Variants in NRCAM observed in about 807,000 individuals in gnomAD.
NRCAM encodes neuronal cell adhesion molecule.
A neutral mutation model predicts 156.5 loss-of-function variants in NRCAM; 83 were observed. The observed-to-expected ratio is 0.53, with a 90% CI of 0.44 to 0.64. The LOEUF (loss-of-function observed/expected upper bound fraction) is 0.64, where lower values mean the gene tolerates loss of function less well. NRCAM is among the 30% of genes least tolerant of loss of function. NRCAM has a pLI of 0.00. For missense variants in NRCAM, 1,417 were observed against 1,597.3 expected, an observed-to-expected ratio of 0.89 and a Z score of 1.92; for synonymous variants, 538 against 563.9, an observed-to-expected ratio of 0.95 and a Z score of 0.65.
At chr7:108,215,389 T>C (rs1432154211) in intron 11 of NRCAM, among the ~76,000 whole-genome samples, 1 of 151,420 alleles carries the variant, frequency 6.6e-6, no homozygotes, top group Non-Finnish European at 1.5e-5. Flanking sequence ...ATTTTTTGTA[T>C]TTTTTTTAGT....
chr7:108,387,974 T>C (rs1269878258), intron 2 of NRCAM, among the ~76,000 whole-genome samples: 1 of 152,194 alleles, frequency 6.6e-6, no homozygotes, highest in East Asian at 1.9e-4. Flanking sequence ...GACATTTGAG[T>C]TGGTTCCAAG....
At chr7:108,225,330 T>C (rs1380003077) in intron 10 of NRCAM, among the ~76,000 whole-genome samples, 1 of 152,154 alleles carries the variant, frequency 6.6e-6, no homozygotes, top group East Asian at 1.9e-4. Flanking sequence ...CAAGAAAAGT[T>C]TGGAACAGAA....
chr7:108,340,492 C>T (rs918438751), intron 2 of NRCAM, among the ~76,000 whole-genome samples: 5 of 152,054 alleles, frequency 3.3e-5, no homozygotes, highest in Admixed American at 6.5e-5. Context: ...AACTGCAGCC[C>T]GAGAGTTTGG....
intron 30 of NRCAM, among the ~76,000 whole-genome samples, chr7:108,166,544 G>A (rs190267490): frequency 2.5e-4 from 38 of 151,964 alleles, no homozygotes; most frequent in Non-Finnish European, 4.9e-4. Context: ...TACCGCGCCC[G>A]GCCAGAATTG....
chr7:108,451,042 A>G (rs1453910639), intron 1 of NRCAM, among the ~76,000 whole-genome samples: 2 of 152,102 alleles, frequency 1.3e-5, no homozygotes, highest in East Asian at 3.9e-4. Flanking sequence ...AACCTGGTAA[A>G]ACCCTGTCTC....
chr7:108,452,623 A>T (rs1464356906), intron 1 of NRCAM, among the ~76,000 whole-genome samples: 3 of 152,232 alleles, frequency 2.0e-5, no homozygotes, highest in Admixed American at 1.3e-4. Context: ...GGAAAAGCAT[A>T]TCTAAATGTA....
At chr7:108,153,509 A>C (rs1405120333) in intron 32 of NRCAM, among the ~76,000 whole-genome samples, 1 of 152,068 alleles carries the variant, frequency 6.6e-6, no homozygotes, top group Non-Finnish European at 1.5e-5. Flanking sequence ...AGTAAACATC[A>C]TCCTTAATGG....
chr7:108,290,808 G>T (rs921642136), intron 3 of NRCAM, among the ~76,000 whole-genome samples: 1 of 152,092 alleles, frequency 6.6e-6, no homozygotes, highest in African/African-American at 2.4e-5. Context: ...TATTCTTTCA[G>T]GGTTCTGAAA....
At chr7:108,392,195 T>C (rs1055288343) in intron 2 of NRCAM, among the ~76,000 whole-genome samples, 7 of 152,230 alleles carry the variant, frequency 4.6e-5, no homozygotes, top group Non-Finnish European at 8.8e-5. Flanking sequence ...ATTCTCCTCG[T>C]CACTTTCAGG....
At chr7:108,389,655 C>T (rs1263608790) in intron 2 of NRCAM, among the ~76,000 whole-genome samples, 1 of 152,108 alleles carries the variant, frequency 6.6e-6, no homozygotes, top group Non-Finnish European at 1.5e-5. Context: ...GGAATGCTTC[C>T]AGTTTTTGTC....
At chr7:108,281,896 T>C (rs2097874917) in intron 3 of NRCAM, among the ~76,000 whole-genome samples, 1 of 152,168 alleles carries the variant, frequency 6.6e-6, no homozygotes, top group African/African-American at 2.4e-5. Context: ...TTAAACACAA[T>C]TGGGTGAAGT....
intron 2 of NRCAM, among the ~76,000 whole-genome samples, chr7:108,389,756 T>C (rs932236366): frequency 1.8e-4 from 28 of 152,246 alleles, no homozygotes; most frequent in African/African-American, 6.3e-4. Flanking sequence ...TTGAGAGTTT[T>C]TGGCATGAAG....
chr7:108,394,317 G>A (rs1336838248), intron 2 of NRCAM, among the ~76,000 whole-genome samples: 2 of 152,198 alleles, frequency 1.3e-5, no homozygotes, highest in African/African-American at 4.8e-5. Flanking sequence ...CACAGTGACT[G>A]TGTCTTCTGA....
chr7:108,191,499 C>A (rs1459817064), intron 18 of NRCAM, among the ~76,000 whole-genome samples: 2 of 152,072 alleles, frequency 1.3e-5, no homozygotes, highest in Non-Finnish European at 2.9e-5. Context: ...TATTTTATTA[C>A]AAAAAAGGTT....
chr7:108,262,037 T>G (rs147523089), intron 3 of NRCAM, among the ~76,000 whole-genome samples: 1 of 152,258 alleles, frequency 6.6e-6, no homozygotes, highest in East Asian at 1.9e-4. Flanking sequence ...CTCACTTTCT[T>G]CCACTCCCCC....
intron 12 of NRCAM, among the ~76,000 whole-genome samples, chr7:108,208,110 A>G (rs900716316): frequency 6.7e-6 from 1 of 148,844 alleles, no homozygotes; most frequent in Non-Finnish European, 1.5e-5. Context: ...CCTGGCCGAC[A>G]TGGTAAAACC....
intron 28 of NRCAM, 62 bp downstream of exon 28, chr7:108,175,260 T>C: frequency 7.3e-7 from 1 of 1,371,182 alleles, no homozygotes; most frequent in Non-Finnish European, 1.0e-6. Flanking sequence ...ATGCTGCACT[T>C]CCCCATGTTT....
chr7:108,176,443 T>C lies in NRCAM; in HGVS notation c.3138A>G (p.Thr1046=). 2 of 1,613,200 alleles carry C rather than the reference T, an allele frequency of 1.2e-6. No homozygotes were observed. The highest frequency in any genetic ancestry group is 1.7e-6 in the Non-Finnish European group (2 of 1,179,638). The change falls in exon 27 of 33, where the codon ACA becomes ACG. Residue 1046 remains threonine (T), a synonymous_variant. Coordinates refer to ENST00000379028, the MANE Select transcript of NRCAM (RefSeq NM_001037132.4). ...TACCCATCTTACCTTCATCCACAGT[T>C]GTTACTGCTTCCTCTGTAATTTGAC... The part of the protein sequence containing the change: ...SGSQITEEAV[T]TVDEAGILPP...
intron 2 of NRCAM, among the ~76,000 whole-genome samples, chr7:108,344,479 A>G (rs1018051908): frequency 6.8e-6 from 1 of 146,672 alleles, no homozygotes; most frequent in Non-Finnish European, 1.5e-5. Flanking sequence ...ACTCTATTAA[A>G]TCTTGCAACT....
Sources: gnomAD v4.1 joint callset for allele counts (sites outside exome capture counted in the v4.1 genomes callset) on GRCh38, gnomAD v4.1.1 for gene constraint, MANE v1.5 for transcripts, NCBI Gene and HGNC (gene_info 2026-07-23, HGNC 2026-07-21) for gene names.